The following ARID5B variants were observed in gnomAD, a reference collection of about 807,000 sequenced individuals.
ARID5B encodes AT-rich interactive domain-containing protein 5B.
Under a neutral mutation model 97.2 loss-of-function variants are expected in ARID5B, and 13 were observed. The observed-to-expected ratio is 0.13, with a 90% confidence interval of 0.09 to 0.21. The LOEUF (loss-of-function observed/expected upper bound fraction) is 0.21, where lower values mean the gene tolerates loss of function less well. Ranked by LOEUF, ARID5B falls within the 10% of genes least tolerant of loss-of-function variation. The probability of loss-of-function intolerance (pLI) is 1.00; values close to 1 mark genes in which losing one functional copy is unlikely to be tolerated. For missense variants in ARID5B, 1,210 were observed against 1,465.3 expected, an observed-to-expected ratio of 0.83 and a Z score of 2.84; for synonymous variants, 556 against 570.3, an observed-to-expected ratio of 0.97 and a Z score of 0.36.
At chr10:61,964,419 T>C (rs1838515998) in intron 3 of ARID5B, among the ~76,000 whole-genome samples, 1 of 152,202 alleles carries the variant, frequency 6.6e-6, no homozygotes, top group Non-Finnish European at 1.5e-5. Flanking sequence ...GGCAGGAATC[T>C]GTCTAGTTTC....
At chr10:61,998,076 G>A (rs75428089) in intron 3 of ARID5B, among the ~76,000 whole-genome samples, 3 of 152,180 alleles carry the variant, frequency 2.0e-5, no homozygotes, top group African/African-American at 2.4e-5. Context: ...AGTTGAAGAC[G>A]TGTACACTGT....
At chr10:61,922,622 G>A (rs1190193694) in intron 2 of ARID5B, among the ~76,000 whole-genome samples, 1 of 152,154 alleles carries the variant, frequency 6.6e-6, no homozygotes, top group Admixed American at 6.6e-5. Flanking sequence ...AAATAGGTAT[G>A]TTTCATGCAC....
chr10:61,959,788 G>A (rs1472911168), intron 3 of ARID5B, among the ~76,000 whole-genome samples: 7 of 152,164 alleles, frequency 4.6e-5, no homozygotes, highest in South Asian at 2.1e-4. Context: ...GTTCATGCAC[G>A]TGTGATAGGG....
Position 62,057,227 on chromosome 10 carries a change from A to G in ARID5B, c.957A>G (p.Ala319=), listed in dbSNP as rs1839868915. The G allele has an allele frequency of 1.2e-6, 2 of 1,613,674 alleles. No homozygotes were observed. Among genetic ancestry groups the G allele is most frequent in the African/African-American group, 1.3e-5 (1 of 75,016 alleles). ...PKVAIGEECR[A]DEQAFLVALY... ...TTGCCATTGGTGAAGAGTGCAGGGCAGATGAACAAGCCTTCTTGGTGGCAC... is the reference window on the plus strand; with the variant it reads ...TTGCCATTGGTGAAGAGTGCAGGGCGGATGAACAAGCCTTCTTGGTGGCAC... Residue 319 remains alanine (A), a synonymous_variant, in exon 6 of 10, where the codon GCA becomes GCG. Transcript: ENST00000279873.
chr10:61,992,066 A>T (rs1335712368), intron 3 of ARID5B, among the ~76,000 whole-genome samples: 1 of 152,076 alleles, frequency 6.6e-6, no homozygotes, highest in Non-Finnish European at 1.5e-5. Flanking sequence ...GACTCTAGCC[A>T]AAGTTTAACC....
intron 4 of ARID5B, among the ~76,000 whole-genome samples, chr10:62,014,386 G>A (rs1380550084): frequency 1.3e-5 from 2 of 152,180 alleles, no homozygotes; most frequent in Non-Finnish European, 2.9e-5. Flanking sequence ...TGTGATGGAG[G>A]AACTGTTGAG....
chr10:61,932,395 CTT>C (rs1207213664), intron 2 of ARID5B, among the ~76,000 whole-genome samples: 1 of 145,950 alleles, frequency 6.9e-6, no homozygotes, highest in Non-Finnish European at 1.5e-5. Context: ...TTCCTTTTTT[CTT>C]TTTCTTTTTC....
chr10:61,974,393 G>A (rs1271750944), intron 3 of ARID5B, among the ~76,000 whole-genome samples: 3 of 152,180 alleles, frequency 2.0e-5, no homozygotes, highest in African/African-American at 7.2e-5. Flanking sequence ...GGGGGACAGA[G>A]AGAAAGAGAG....
At position 61,902,144 on chromosome 10, in the gene ARID5B, T is replaced by C. The variant is rs56102370; in HGVS notation, c.22-15T>C. 1.3e-3 allele frequency: 2,085 copies of C among 1,610,620 alleles called. 26 individuals are homozygous for C. The African/African-American group carries it at 0.025, about 19-fold the overall frequency. ...GGCTACATTATTTATTTGGTGTTTT[T>C]TTCCCCCCCTGCAGTGGGTCGGCTC... is the stretch of plus-strand genomic sequence containing the variant. On this transcript the variant is annotated splice_polypyrimidine_tract_variant and intron_variant, in intron 1 of 9. Coordinates refer to ENST00000279873, the MANE Select transcript of ARID5B (RefSeq NM_032199.3).
intron 4 of ARID5B, among the ~76,000 whole-genome samples, chr10:62,021,896 T>C (rs1268527228): frequency 1.3e-5 from 2 of 152,210 alleles, no homozygotes; most frequent in African/African-American, 4.8e-5. Flanking sequence ...AACTGGGAGA[T>C]GACACAACAT....
At chr10:62,051,285 T>C (rs562968164) in intron 5 of ARID5B, among the ~76,000 whole-genome samples, 2 of 152,314 alleles carry the variant, frequency 1.3e-5, no homozygotes, top group East Asian at 3.9e-4. Flanking sequence ...ACCCACGTCA[T>C]TGAGGCTGAG....
At chr10:61,970,929 A>C (rs998637513) in intron 3 of ARID5B, among the ~76,000 whole-genome samples, 1 of 151,996 alleles carries the variant, frequency 6.6e-6, no homozygotes, top group Non-Finnish European at 1.5e-5. Context: ...ATTTTTCTGT[A>C]AGTAGATTGA....
chr10:62,045,447 ATTTT>A (rs5785508), intron 4 of ARID5B, among the ~76,000 whole-genome samples: 6 of 139,618 alleles, frequency 4.3e-5, no homozygotes, highest in Admixed American at 7.1e-5. Context: ...TTGCCAGGGT[ATTTT>A]TTTTTTTTTT....
At chr10:62,023,968 T>C (rs897955850) in intron 4 of ARID5B, among the ~76,000 whole-genome samples, 1 of 152,194 alleles carries the variant, frequency 6.6e-6, no homozygotes, top group Non-Finnish European at 1.5e-5. Flanking sequence ...CACAAAGATA[T>C]GGAAAACTCT....
At chr10:61,945,438 T>C (rs980668539) in intron 3 of ARID5B, among the ~76,000 whole-genome samples, 2 of 152,294 alleles carry the variant, frequency 1.3e-5, no homozygotes, top group African/African-American at 4.8e-5. Context: ...ATTATACAGC[T>C]CTAAGGTGAC....
intron 3 of ARID5B, among the ~76,000 whole-genome samples, chr10:61,978,420 A>G (rs1440590952): frequency 1.3e-5 from 2 of 152,232 alleles, no homozygotes; most frequent in South Asian, 2.1e-4. Flanking sequence ...GCTTGATGAG[A>G]ATGGCATTGA....
Position 61,947,261 on chromosome 10 carries a change from C to CTTTTTTTTTTTTTTTTTTTTTTTT in ARID5B, c.502+6855_502+6878dup, listed in dbSNP as rs199587188. 1.3e-4 allele frequency among the ~76,000 whole-genome samples: 16 copies of CTTTTTTTTTTTTTTTTTTTTTTTT among 124,262 alleles called. 1 individual carries two copies. Among genetic ancestry groups the CTTTTTTTTTTTTTTTTTTTTTTTT allele is most frequent in the Non-Finnish European group, 2.0e-4 (12 of 59,510 alleles). The allele number at this position is 124,262 out of a possible 152,430, so 81.5% of individuals were successfully genotyped here. A position where few individuals can be genotyped will look rare whatever the true frequency, so the allele number is the denominator to read the frequency against. Reference sequence around the variant, plus strand: ...ACCAGTATATCTTCTCACTTACTTTCTTTTTTTTTTTTTTTTTTTTTTTTT... The same window carrying CTTTTTTTTTTTTTTTTTTTTTTTT: ...ACCAGTATATCTTCTCACTTACTTTCTTTTTTTTTTTTTTTTTTTTTTTTTTTTTTTTTTTTTTTTTTTTTTTTT... On this transcript the variant is annotated intron_variant, in intron 3 of 9. Transcript: ENST00000279873.
In ARID5B at chr10:62,094,476, A is replaced by C. The variant is rs1195062990; in HGVS notation, c.*1446A>C. ...TGGGGTGTGAGTTTTGTGTGTACAC[A>C]CACAGAAACATGTAAGGTGGTTTGG... On this transcript the variant is annotated 3_prime_UTR_variant, in exon 10 of 10. Coordinates refer to ENST00000279873, the MANE Select transcript of ARID5B (RefSeq NM_032199.3). 1 of 231,104 alleles carries C rather than the reference A, an allele frequency of 4.3e-6. No individual in the cohort carries two copies. Among genetic ancestry groups the C allele is most frequent in the Non-Finnish European group, 8.6e-6 (1 of 116,778 alleles). 14.3% of individuals were successfully genotyped at this position (231,104 alleles called of 1,614,324 possible).
intron 3 of ARID5B, among the ~76,000 whole-genome samples, chr10:61,971,930 A>T (rs536320824): frequency 6.6e-6 from 1 of 152,324 alleles, no homozygotes; most frequent in Non-Finnish European, 1.5e-5. Flanking sequence ...TATTTCAAAA[A>T]GGCATGAGCA....
Sources: allele counts gnomAD v4.1 joint callset (sites outside exome capture counted in the v4.1 genomes callset), GRCh38; gene constraint gnomAD v4.1.1; transcripts MANE v1.5; gene names NCBI Gene and HGNC (gene_info 2026-07-23, HGNC 2026-07-21).